The following SCAPER variants were observed in gnomAD, a reference collection of about 807,000 sequenced individuals.
The protein encoded by SCAPER is S-phase cyclin A associated protein in the ER, also known as S phase cyclin A-associated protein in the endoplasmic reticulum.
SCAPER carries 98 observed loss-of-function variants against 182.2 expected under a neutral mutation model. The ratio of observed to expected loss-of-function variants is 0.54; its 90% CI spans 0.46 to 0.64. SCAPER has a LOEUF of 0.64. SCAPER is among the 30% of genes least tolerant of loss of function. The pLI is 0.00. For missense variants in SCAPER, 1,432 were observed against 1,690.0 expected, an observed-to-expected ratio of 0.85 and a Z score of 2.68; for synonymous variants, 605 against 564.6, an observed-to-expected ratio of 1.07 and a Z score of -1.01.
intron 29 of SCAPER, among the ~76,000 whole-genome samples, chr15:76,362,853 C>T (rs2041543166): frequency 6.6e-6 from 1 of 152,204 alleles, no homozygotes; most frequent in African/African-American, 2.4e-5. Context: ...TCTCTTTTAC[C>T]TACTTACACT....
At chr15:76,859,840 G>A (rs1038567159) in intron 3 of SCAPER, among the ~76,000 whole-genome samples, 13 of 151,774 alleles carry the variant, frequency 8.6e-5, no homozygotes, top group South Asian at 4.2e-4. Context: ...CAAGCCTCCC[G>A]GGTAGCTAGG....
intron 14 of SCAPER, among the ~76,000 whole-genome samples, chr15:76,755,761 C>T (rs139552674): frequency 6.6e-6 from 1 of 152,346 alleles, no homozygotes; most frequent in African/African-American, 2.4e-5. Context: ...CTCTCCCCCA[C>T]TCTTTCTCTG....
At chr15:76,579,558 G>A (rs893421768) in intron 22 of SCAPER, among the ~76,000 whole-genome samples, 2 of 150,272 alleles carry the variant, frequency 1.3e-5, no homozygotes, top group African/African-American at 4.9e-5. Context: ...TAAAAAGCAA[G>A]AAATGAAAAC....
intron 1 of SCAPER, among the ~76,000 whole-genome samples, chr15:76,889,727 C>T (rs8038701): frequency 0.029 from 4,398 of 152,176 alleles, 192 homozygotes; most frequent in African/African-American, 0.1. Context: ...TAATGGGAGA[C>T]TTTAACACCC....
intron 29 of SCAPER, among the ~76,000 whole-genome samples, chr15:76,369,745 T>C (rs553037364): frequency 6.6e-6 from 1 of 152,226 alleles, no homozygotes; most frequent in African/African-American, 2.4e-5. Flanking sequence ...CAATTAACTT[T>C]TCAGTTATAG....
At chr15:76,737,041 C>T (rs1485097532) in intron 15 of SCAPER, 2 of 152,382 alleles carry the variant, frequency 1.3e-5, no homozygotes, top group African/African-American at 2.4e-5. Flanking sequence ...GGGCTGGAAT[C>T]AATGTCTTCC....
In SCAPER at chr15:76,488,714, C is replaced by CTTTTTTTTTTTTTTTT. The variant is rs71143333; in HGVS notation, c.2954+16129_2954+16144dup. Among the ~76,000 whole-genome samples the CTTTTTTTTTTTTTTTT allele has an allele frequency of 1.5e-3, 137 of 93,100 alleles. 18 individuals are homozygous for CTTTTTTTTTTTTTTTT. The highest frequency in any genetic ancestry group is 5.3e-3 in the Middle Eastern group (1 of 188). 61.1% of individuals were successfully genotyped at this position (93,100 alleles called of 152,430 possible). A position where few individuals can be genotyped will look rare whatever the true frequency, so the allele number is the denominator to read the frequency against. On this transcript the variant is annotated intron_variant, in intron 24 of 31. Transcript: ENST00000563290. ...TTGCATCCTGATAACAGTACACTGC[C>CTTTTTTTTTTTTTTTT]TTTTTTTTTTTTTTTTTTTTTTTTT...
chr15:76,573,619 C>A (rs1157242682), intron 23 of SCAPER, among the ~76,000 whole-genome samples: 1 of 151,902 alleles, frequency 6.6e-6, no homozygotes, highest in Non-Finnish European at 1.5e-5. Flanking sequence ...AAAATGTTAT[C>A]AGTTGCTATT....
At chr15:76,754,047 G>A (rs1006931478) in intron 14 of SCAPER, 99 bp from the exon 15 acceptor site, 17 of 1,252,318 alleles carry the variant, frequency 1.4e-5, no homozygotes, top group East Asian at 4.7e-5. Context: ...AACTCTAAGC[G>A]TGGAAAAATG....
chr15:76,370,792 T>C (rs965227747), intron 29 of SCAPER, among the ~76,000 whole-genome samples: 1 of 152,174 alleles, frequency 6.6e-6, no homozygotes, highest in Non-Finnish European at 1.5e-5. Context: ...ATCTGCTAAA[T>C]TGTGGACCAT....
At chr15:76,628,406 T>A (rs2052786513) in intron 21 of SCAPER, among the ~76,000 whole-genome samples, 1 of 152,218 alleles carries the variant, frequency 6.6e-6, no homozygotes. Context: ...TTTATAGTTT[T>A]GGGTTTTACA....
intron 1 of SCAPER, among the ~76,000 whole-genome samples, chr15:76,890,212 G>T (rs937110516): frequency 6.6e-6 from 1 of 152,188 alleles, no homozygotes; most frequent in Non-Finnish European, 1.5e-5. Flanking sequence ...ACAAGAGAAA[G>T]CAGGAAAGAT....
intron 8 of SCAPER, among the ~76,000 whole-genome samples, chr15:76,794,427 AGTCAATTGTC>A (rs1303687453): frequency 7.9e-5 from 12 of 152,230 alleles, no homozygotes; most frequent in Non-Finnish European, 1.5e-5. Context: ...TCTTGCCTAC[AGTCAATTGTC>A]TACTACTAAG....
At chr15:76,496,971 G>A (rs1395971019) in intron 24 of SCAPER, among the ~76,000 whole-genome samples, 1 of 151,946 alleles carries the variant, frequency 6.6e-6, no homozygotes, top group Non-Finnish European at 1.5e-5. Context: ...TTATTGTAAG[G>A]CTATTGGGAA....
intron 21 of SCAPER, among the ~76,000 whole-genome samples, chr15:76,628,619 C>T (rs2052806472): frequency 6.6e-6 from 1 of 152,132 alleles, no homozygotes; most frequent in Non-Finnish European, 1.5e-5. Flanking sequence ...GTATTCTGTT[C>T]CATTGGTCTA....
At chr15:76,486,186 G>C (rs1035418599) in intron 24 of SCAPER, among the ~76,000 whole-genome samples, 2 of 151,948 alleles carry the variant, frequency 1.3e-5, no homozygotes, top group Non-Finnish European at 2.9e-5. Context: ...CAGCCTGGGC[G>C]ACAGAGTGAG....
chr15:76,755,698 A>G (rs938106802), intron 14 of SCAPER, among the ~76,000 whole-genome samples: 1 of 152,238 alleles, frequency 6.6e-6, no homozygotes. Flanking sequence ...AAGTGATGTT[A>G]TAAAACTCAG....
At chr15:76,675,885 C>T (rs767363786) in intron 20 of SCAPER, among the ~76,000 whole-genome samples, 23 of 151,832 alleles carry the variant, frequency 1.5e-4, no homozygotes, top group African/African-American at 5.1e-4. Flanking sequence ...ACTGCAGTGG[C>T]GTGATCTCAG....
At chr15:76,547,647 T>C (rs949998954) in intron 23 of SCAPER, among the ~76,000 whole-genome samples, 30 of 152,218 alleles carry the variant, frequency 2.0e-4, no homozygotes, top group Middle Eastern at 3.4e-3. Context: ...TGGAGTTAAT[T>C]TTTGTGTATG....
Sources: allele counts gnomAD v4.1 joint callset (sites outside exome capture counted in the v4.1 genomes callset), GRCh38; gene constraint gnomAD v4.1.1; transcripts MANE v1.5; gene names NCBI Gene and HGNC (gene_info 2026-07-23, HGNC 2026-07-21).